SNAP91: variants seen among roughly 807,000 people sequenced by gnomAD.
SNAP91 encodes clathrin coat assembly protein AP180.
SNAP91 carries 27 observed loss-of-function variants against 100.3 expected under a neutral mutation model. The observed-to-expected ratio is 0.27, with a 90% confidence interval of 0.20 to 0.37. SNAP91 has a LOEUF of 0.37. Among genes scored for constraint, SNAP91 ranks in the 10% least tolerant of loss-of-function variants. The probability of loss-of-function intolerance (pLI) is 1.00; values close to 1 mark genes in which losing one functional copy is unlikely to be tolerated. For missense variants in SNAP91, 986 were observed against 1,123.7 expected, an observed-to-expected ratio of 0.88 and a Z score of 1.75; for synonymous variants, 404 against 398.6, an observed-to-expected ratio of 1.01 and a Z score of -0.16.
rs114755680 is a variant in SNAP91, at chr6:83,600,462, A to T, written c.1324+809T>A. Among the ~76,000 whole-genome samples the T allele has an allele frequency of 3.8e-3, 572 of 152,290 alleles. 4 individuals are homozygous for T. The highest frequency in any genetic ancestry group is 0.013 in the African/African-American group (534 of 41,558). The stretch of plus-strand genomic sequence containing the variant: ...AATGAAGATACACAAAACTATAATG[A>T]CTATAACATCACTTGACGTATGTGT... On this transcript the variant is annotated intron_variant, in intron 16 of 29. Coordinates refer to ENST00000369694, the MANE Select transcript of SNAP91 (RefSeq NM_001242792.2).
intron 2 of SNAP91, among the ~76,000 whole-genome samples, chr6:83,679,634 A>C (rs1195111898): frequency 6.6e-6 from 1 of 152,108 alleles, no homozygotes. Context: ...AGGTAGAAAA[A>C]TGAATGAAGT....
intron 12 of SNAP91, 43 bp downstream of exon 12, chr6:83,610,607 A>T (rs1325801678): frequency 1.6e-6 from 1 of 607,544 alleles, no homozygotes; most frequent in South Asian, 2.1e-5. Context: ...TAAAATGGTA[A>T]AAAACAAAAA....
At chr6:83,704,729 A>G (rs1307111652) in intron 2 of SNAP91, among the ~76,000 whole-genome samples, 1 of 152,154 alleles carries the variant, frequency 6.6e-6, no homozygotes, top group African/African-American at 2.4e-5. Context: ...TGTTTTTATA[A>G]TCTTCCAATC....
At chr6:83,569,385 A>G (rs1802583824) in intron 26 of SNAP91, among the ~76,000 whole-genome samples, 1 of 152,148 alleles carries the variant, frequency 6.6e-6, no homozygotes, top group African/African-American at 2.4e-5. Context: ...AAAATGAGAC[A>G]ATCTCAGTCT....
chr6:83,645,998 CT>C (rs1474348635), intron 7 of SNAP91, among the ~76,000 whole-genome samples: 4 of 152,130 alleles, frequency 2.6e-5, no homozygotes, highest in Non-Finnish European at 5.9e-5. Flanking sequence ...ATTGCATTTC[CT>C]TTTAGCACGG....
chr6:83,664,050 T>C (rs1434213293), intron 3 of SNAP91, among the ~76,000 whole-genome samples: 1 of 152,102 alleles, frequency 6.6e-6, no homozygotes, highest in Non-Finnish European at 1.5e-5. Context: ...ACTCTGTTTA[T>C]AGTATGGTTT....
chr6:83,570,477 T>C (rs1804892951), intron 26 of SNAP91, among the ~76,000 whole-genome samples: 1 of 146,604 alleles, frequency 6.8e-6, no homozygotes, highest in African/African-American at 2.5e-5. Context: ...ACCAACACAA[T>C]GGGGAAAATG....
At chr6:83,597,677 A>T (rs770469340) in intron 16 of SNAP91, among the ~76,000 whole-genome samples, 4 of 152,134 alleles carry the variant, frequency 2.6e-5, no homozygotes, top group Non-Finnish European at 5.9e-5. Context: ...ACCTCTCTCA[A>T]ATCTAAGAGC....
chr6:83,663,425 C>G (rs533819092), intron 3 of SNAP91, among the ~76,000 whole-genome samples: 9 of 152,230 alleles, frequency 5.9e-5, no homozygotes, highest in African/African-American at 2.2e-4. Flanking sequence ...ATTGAAAGTG[C>G]TACTTTAATG....
At chr6:83,674,744 T>C (rs2098836909) in intron 2 of SNAP91, among the ~76,000 whole-genome samples, 1 of 152,182 alleles carries the variant, frequency 6.6e-6, no homozygotes, top group Non-Finnish European at 1.5e-5. Context: ...GGGTTATATT[T>C]CGGGAAGGAG....
At chr6:83,661,988 C>A (rs2098551942) in intron 4 of SNAP91, among the ~76,000 whole-genome samples, 1 of 152,110 alleles carries the variant, frequency 6.6e-6, no homozygotes, top group Non-Finnish European at 1.5e-5. Flanking sequence ...CAAATGAATG[C>A]AGTTCAAACC....
intron 26 of SNAP91, among the ~76,000 whole-genome samples, chr6:83,574,625 C>T (rs1814939153): frequency 6.6e-6 from 1 of 151,904 alleles, no homozygotes; most frequent in Non-Finnish European, 1.5e-5. Flanking sequence ...ACATTAAGTG[C>T]TTTTGATAAA....
chr6:83,576,753 A>G (rs974147660), intron 24 of SNAP91, among the ~76,000 whole-genome samples: 2 of 152,228 alleles, frequency 1.3e-5, no homozygotes, highest in Non-Finnish European at 2.9e-5. Context: ...AGCTGTGAGT[A>G]CAACGATGTG....
intron 2 of SNAP91, among the ~76,000 whole-genome samples, chr6:83,693,258 A>G (rs1329967715): frequency 6.6e-6 from 1 of 152,114 alleles, no homozygotes; most frequent in African/African-American, 2.4e-5. Context: ...CTCCTCTGTA[A>G]ACTGGGAATA....
At chr6:83,627,642 GT>G (rs568566376) in intron 8 of SNAP91, among the ~76,000 whole-genome samples, 133 of 152,000 alleles carry the variant, frequency 8.8e-4, no homozygotes, top group African/African-American at 3.0e-3. Flanking sequence ...GTTCATAGAG[GT>G]TTTCGTAGTA....
chr6:83,661,502 C>A lies in SNAP91; in HGVS notation c.452G>T (p.Gly151Val). The change falls in exon 5 of 30, where the codon GGG (glycine) becomes GTG (valine). Residue 151 changes from glycine (G) to valine (V), a missense_variant and splice_region_variant. By Grantham distance (109) the Gly-to-Val change is moderately radical. Transcript: ENST00000369694. ...MAFDFARVKK[G>V]ADGVMRTMAP... ...AAATATAAGAAAGACAAAAACATACCCTTTCTTCACCCTGGCAAAATCAAA... is the reference window on the plus strand; with the variant it reads ...AAATATAAGAAAGACAAAAACATACACTTTCTTCACCCTGGCAAAATCAAA... 6.3e-7 allele frequency: 1 copy of A among 1,580,148 alleles called. No individual in the cohort carries two copies. The highest frequency in any genetic ancestry group is 8.6e-7 in the Non-Finnish European group (1 of 1,156,712).
At position 83,582,298 on chromosome 6, in the gene SNAP91, G is replaced by C; in HGVS notation, c.2073C>G (p.Asn691Lys). ...CTGCCTCAAAATTGGGCTGTAGCAG[G>C]TTATTCTGAGCTGGAGTCACTGGAG... ...SPSPVTPAQN[N>K]LLQPNFEAAF... The change falls in exon 23 of 30, where the codon AAC becomes AAG. Residue 691 changes from asparagine to lysine, a missense_variant. Around this residue, in one of 4 missense-constraint regions of SNAP91, gnomAD observed 575 missense variants for 579.9 expected, o/e 0.99. Transcript: ENST00000369694. 1 of 1,613,634 alleles carries C rather than the reference G, an allele frequency of 6.2e-7. No individual in the cohort carries two copies. Among genetic ancestry groups the C allele is most frequent in the Non-Finnish European group, 8.5e-7 (1 of 1,179,752 alleles).
Position 83,665,288 on chromosome 6 carries a change from G to C in SNAP91, c.273+151C>G, listed in dbSNP as rs1415888809. On this transcript the variant is annotated intron_variant, in intron 3 of 29. Coordinates refer to ENST00000369694, the MANE Select transcript of SNAP91 (RefSeq NM_001242792.2). ...TTTTTTGTTAACTAGCTAAGGAGAA[G>C]ATTAAACTTGTATTCTAGATGATCC... is the stretch of plus-strand genomic sequence containing the variant. 22 of 738,138 alleles carry C rather than the reference G, an allele frequency of 3.0e-5. No individual in the cohort carries two copies. The South Asian group carries it at 5.1e-4, about 17-fold the overall frequency. The allele number at this position is 738,138 out of a possible 1,614,324, so 45.7% of individuals were successfully genotyped here.
intron 5 of SNAP91, among the ~76,000 whole-genome samples, chr6:83,661,118 A>G (rs931370724): frequency 2.0e-5 from 3 of 152,156 alleles, no homozygotes; most frequent in Non-Finnish European, 4.4e-5. Flanking sequence ...AGCTATTGTC[A>G]TCTACAGCCA....
Sources: gnomAD v4.1 joint callset for allele counts (sites outside exome capture counted in the v4.1 genomes callset) on GRCh38, gnomAD v4.1.1 for gene constraint, gnomAD v4.1.1 regional missense constraint, MANE v1.5 for transcripts, NCBI Gene and HGNC (gene_info 2026-07-23, HGNC 2026-07-21) for gene names.